KCNK3: variants seen among roughly 807,000 people sequenced by gnomAD.
The protein encoded by KCNK3 is potassium two pore domain channel subfamily K member 3, also known as potassium channel subfamily K member 3.
Under a neutral mutation model 27.3 loss-of-function variants are expected in KCNK3, and 9 were observed. That is an observed-to-expected ratio of 0.33 (90% CI 0.20 to 0.57). The LOEUF is 0.57. Among genes scored for constraint, KCNK3 ranks in the 20% least tolerant of loss-of-function variants. The pLI is 0.87. For missense variants in KCNK3, 391 were observed against 577.7 expected (o/e 0.68, Z 3.31); for synonymous variants, 278 against 273.8 (o/e 1.02, Z -0.15).
At chr2:26,701,881 A>G (rs1670312051) in intron 1 of KCNK3, among the ~76,000 whole-genome samples, 1 of 152,208 alleles carries the variant, frequency 6.6e-6, no homozygotes, top group African/African-American at 2.4e-5. Context: ...CGGAGATTGC[A>G]GTGAGCCAAG....
At chr2:26,724,326 G>T (rs1358017419) in intron 1 of KCNK3, among the ~76,000 whole-genome samples, 1 of 152,238 alleles carries the variant, frequency 6.6e-6, no homozygotes, top group Non-Finnish European at 1.5e-5. Context: ...CAACGCCTGA[G>T]GCTGATGCCC....
chr2:26,712,666 AGTGTGTGT>A (rs4007222), intron 1 of KCNK3, among the ~76,000 whole-genome samples: 51 of 145,702 alleles, frequency 3.5e-4, no homozygotes, highest in Admixed American at 2.1e-3. Flanking sequence ...TGGGTGTTGG[AGTGTGTGT>A]GTGTGTGTGT....
At chr2:26,698,010 C>T (rs376720835) in intron 1 of KCNK3, among the ~76,000 whole-genome samples, 1 of 152,132 alleles carries the variant, frequency 6.6e-6, no homozygotes, top group East Asian at 1.9e-4. Context: ...GAGAGGTGAG[C>T]GGCTTGTCCA....
chr2:26,719,871 C>A lies in KCNK3; in HGVS notation c.284-7796C>A, dbSNP rs59908976. ...TGCAGCATAGGGCAGTAAAAGATGA[C>A]ATGAGGGCCCTGGATTCCAGTCCTA... On this transcript the variant is annotated intron_variant, in intron 1 of 1. Coordinates refer to ENST00000302909, the MANE Select transcript of KCNK3 (RefSeq NM_002246.3). 7.0e-3 allele frequency among the ~76,000 whole-genome samples: 1,063 copies of A among 152,326 alleles called. 14 individuals are homozygous for A. The highest frequency in any genetic ancestry group is 0.024 in the African/African-American group (998 of 41,566).
chr2:26,706,541 T>C (rs1298153702), intron 1 of KCNK3, among the ~76,000 whole-genome samples: 2 of 152,086 alleles, frequency 1.3e-5, no homozygotes, highest in Non-Finnish European at 2.9e-5. Flanking sequence ...TCAGGCAAAG[T>C]AAGACCCTCC....
intron 1 of KCNK3, among the ~76,000 whole-genome samples, chr2:26,702,205 C>T (rs1670316383): frequency 6.6e-6 from 1 of 152,154 alleles, no homozygotes; most frequent in African/African-American, 2.4e-5. Flanking sequence ...TCACTGTGTC[C>T]TCACATCCTC....
rs774500996 is a variant in KCNK3 at position 26,721,633 on chromosome 2, G to A, written c.284-6034G>A. ...AGCTGCCCTCTGCCATCCAGCAGGGGAGCCCAGCCTTCCTCTGAGGGCCCT... is the reference window on the plus strand; with the variant it reads ...AGCTGCCCTCTGCCATCCAGCAGGGAAGCCCAGCCTTCCTCTGAGGGCCCT... On this transcript the variant is annotated intron_variant, in intron 1 of 1. Coordinates refer to ENST00000302909, the MANE Select transcript of KCNK3 (RefSeq NM_002246.3). The surrounding 1 kb of genome is among the most constrained non-coding windows in gnomAD (Gnocchi z 4.3). Among the ~76,000 whole-genome samples, 1 of 152,252 alleles carries A rather than the reference G, an allele frequency of 6.6e-6. No homozygotes were observed. Among genetic ancestry groups the A allele is most frequent in the South Asian group, 2.1e-4 (1 of 4,824 alleles).
intron 1 of KCNK3, among the ~76,000 whole-genome samples, chr2:26,723,964 T>C (rs755396278): frequency 3.3e-5 from 5 of 152,190 alleles, no homozygotes; most frequent in African/African-American, 4.8e-5. Flanking sequence ...CTCGAAGGCC[T>C]GGACAGAGGA....
In KCNK3 at chr2:26,693,071, G is replaced by T; in HGVS notation, c.196G>T (p.Val66Leu). 6.2e-7 allele frequency: 1 copy of T among 1,603,934 alleles called. No individual in the cohort carries two copies. Among genetic ancestry groups the T allele is most frequent in the African/African-American group, 1.3e-5 (1 of 74,436 alleles). The stretch of plus-strand genomic sequence containing the variant: ...CGGCTACGAGGAGCTGGAGCGCGTC[G>T]TGCTGCGCCTCAAGCCGCACAAGGC... ...QGGYEELERV[V>L]LRLKPHKAGV... is the part of the protein sequence containing the mutation. Residue 66 changes from valine to leucine, a missense_variant, in exon 1 of 2, where the codon GTG (valine) becomes TTG (leucine). Physicochemically the swap from Val to Leu is conservative, Grantham distance 32. Transcript: ENST00000302909. The surrounding 1 kb of genome is among the most constrained non-coding windows in gnomAD (Gnocchi z 5.5).
rs1271605972 is a variant in KCNK3, at chr2:26,731,195, C to G, written c.*2627C>G. 6.6e-6 allele frequency: 1 copy of G among 152,224 alleles called. No homozygotes were observed. The highest frequency in any genetic ancestry group is 2.4e-5 in the African/African-American group (1 of 41,422). The allele number at this position is 152,224 out of a possible 1,614,324, so 9.4% of individuals were successfully genotyped here. A position where few individuals can be genotyped will look rare whatever the true frequency, so the allele number is the denominator to read the frequency against. On this transcript the variant is annotated 3_prime_UTR_variant, in exon 2 of 2. Coordinates refer to ENST00000302909, the MANE Select transcript of KCNK3 (RefSeq NM_002246.3). ...CCCAATAAATGCTATCCACGGAGAC[C>G]AGGCTCAGGCTCCAGCTGCCTCTGT...
chr2:26,698,523 G>T (rs903352040), intron 1 of KCNK3, among the ~76,000 whole-genome samples: 1 of 152,232 alleles, frequency 6.6e-6, no homozygotes, highest in African/African-American at 2.4e-5. Context: ...GTACAGAGAA[G>T]GCACTTAATA....
At chr2:26,699,806 G>A (rs1004863049) in intron 1 of KCNK3, among the ~76,000 whole-genome samples, 1 of 152,204 alleles carries the variant, frequency 6.6e-6, no homozygotes, top group Non-Finnish European at 1.5e-5. Flanking sequence ...CAGGACGGCA[G>A]GCGGCATCAT....
chr2:26,715,702 C>T (rs988417679), intron 1 of KCNK3, among the ~76,000 whole-genome samples: 12 of 152,170 alleles, frequency 7.9e-5, no homozygotes, highest in Non-Finnish European at 1.8e-4. Context: ...GTGTAGGGGC[C>T]GGGTCGGGGA....
chr2:26,720,028 C>G (rs1366242931), intron 1 of KCNK3, among the ~76,000 whole-genome samples: 1 of 152,094 alleles, frequency 6.6e-6, no homozygotes, highest in Non-Finnish European at 1.5e-5. Context: ...TTTGGGAGGC[C>G]GAGGCAGGTG....
chr2:26,700,842 T>C (rs1670299509), intron 1 of KCNK3, among the ~76,000 whole-genome samples: 1 of 152,192 alleles, frequency 6.6e-6, no homozygotes, highest in African/African-American at 2.4e-5. Context: ...TCTGTGATCA[T>C]GGAAGGAGCA....
At chr2:26,725,523 G>A (rs569245894) in intron 1 of KCNK3, among the ~76,000 whole-genome samples, 6 of 152,152 alleles carry the variant, frequency 3.9e-5, no homozygotes, top group African/African-American at 1.2e-4. Context: ...AAGTAGTGCC[G>A]GCCTGGAGGA....
chr2:26,700,267 C>T (rs879709066), intron 1 of KCNK3, among the ~76,000 whole-genome samples: 2 of 152,234 alleles, frequency 1.3e-5, no homozygotes, highest in Non-Finnish European at 2.9e-5. Context: ...AAATGTCTTT[C>T]GTGGCAGCAC....
At chr2:26,724,444 C>T (rs1663376525) in intron 1 of KCNK3, 1 of 257,690 alleles carries the variant, frequency 3.9e-6, no homozygotes, top group Non-Finnish European at 6.1e-6. Flanking sequence ...GCCCAGTGGC[C>T]TTGGCCAACA....
chr2:26,706,353 T>A (rs1572605325), intron 1 of KCNK3, among the ~76,000 whole-genome samples: 1 of 151,988 alleles, frequency 6.6e-6, no homozygotes, highest in South Asian at 2.1e-4. Context: ...TGGGGACAGG[T>A]CTGTCTTTCG....
Sources: gnomAD v4.1 joint callset for allele counts (sites outside exome capture counted in the v4.1 genomes callset) on GRCh38, gnomAD v4.1.1 for gene constraint, Gnocchi (gnomAD v3.1) non-coding constraint, MANE v1.5 for transcripts, NCBI Gene and HGNC (gene_info 2026-07-23, HGNC 2026-07-21) for gene names.